The following SPEF2 variants were observed in gnomAD, a reference collection of about 807,000 sequenced individuals.
SPEF2 encodes sperm flagella and cilia-associated protein 2.
Under a neutral mutation model 224.6 loss-of-function variants are expected in SPEF2, and 187 were observed. That is an observed-to-expected ratio of 0.83 (90% CI 0.74 to 0.94). SPEF2 has a LOEUF of 0.94. Among genes scored for constraint, SPEF2 ranks in the 40% least tolerant of loss-of-function variants. The probability of loss-of-function intolerance (pLI) is 0.00; values close to 1 mark genes in which losing one functional copy is unlikely to be tolerated. For missense variants in SPEF2, 2,170 were observed against 2,135.6 expected (o/e 1.02, Z -0.32); for synonymous variants, 715 against 707.3 (o/e 1.01, Z -0.17).
rs1358741324 is a variant in SPEF2, at chr5:35,675,897, G to T, written c.1524+5670G>T. The T allele has an allele frequency of 1.5e-5, 7 of 456,040 alleles. No homozygotes were observed. In the East Asian group the frequency reaches 4.9e-4, roughly 32 times the overall value. 28.2% of individuals were successfully genotyped at this position (456,040 alleles called of 1,614,324 possible). ...CAAGGATTTCAGAGGGCTTGATAGGGGTCTGGGACTTGTGTCTATGGAATA... is the reference window on the plus strand; with the variant it reads ...CAAGGATTTCAGAGGGCTTGATAGGTGTCTGGGACTTGTGTCTATGGAATA... On this transcript the variant is annotated intron_variant, in intron 10 of 36. Coordinates refer to ENST00000356031, the MANE Select transcript of SPEF2 (RefSeq NM_024867.4).
chr5:35,670,309 C>A, intron 10 of SPEF2, 82 bp downstream of exon 10: 1 of 1,485,048 alleles, frequency 6.7e-7, no homozygotes. Context: ...TTCCTTATTT[C>A]ATTTCTACTA....
intron 23 of SPEF2, 45 bp downstream of exon 23, chr5:35,740,312 T>C (rs1286741268): frequency 6.2e-7 from 1 of 1,605,752 alleles, no homozygotes; most frequent in Non-Finnish European, 8.5e-7. Context: ...CTGGCTTTCA[T>C]ATCTTGTCCT....
At position 35,651,337 on chromosome 5, in the gene SPEF2, G is replaced by A. The variant is rs144112547; in HGVS notation, c.791+1912G>A. 2.3e-3 allele frequency among the ~76,000 whole-genome samples: 351 copies of A among 152,222 alleles called. 3 individuals carry two copies. The highest frequency in any genetic ancestry group is 8.1e-3 in the African/African-American group (335 of 41,556). On this transcript the variant is annotated intron_variant, in intron 6 of 36. Transcript: ENST00000356031. ...CCTTCTTCACAGAAGCCTTCACTTG[G>A]TCCTGCCAAAGATTTCCAGCAGAGG... is the stretch of plus-strand genomic sequence containing the variant.
intron 8 of SPEF2, among the ~76,000 whole-genome samples, chr5:35,665,308 T>A (rs1032697107): frequency 2.0e-5 from 3 of 152,090 alleles, no homozygotes; most frequent in African/African-American, 7.2e-5. Context: ...TTCCTCCTTC[T>A]CTTTTTATGG....
chr5:35,644,287 T>C (rs1342851959), intron 3 of SPEF2, 68 bp from the exon 4 acceptor site: 1 of 1,289,320 alleles, frequency 7.8e-7, no homozygotes, highest in Admixed American at 3.2e-5. Flanking sequence ...CAAATTTTAT[T>C]TGTGCTTATA....
At chr5:35,703,164 G>A (rs1326145517) in intron 16 of SPEF2, among the ~76,000 whole-genome samples, 3 of 151,422 alleles carry the variant, frequency 2.0e-5, no homozygotes, top group African/African-American at 7.3e-5. Flanking sequence ...ATATATGAAA[G>A]AGCTCAACTG....
At chr5:35,680,887 C>T (rs1442529207) in intron 10 of SPEF2, among the ~76,000 whole-genome samples, 1 of 152,138 alleles carries the variant, frequency 6.6e-6, no homozygotes, top group Non-Finnish European at 1.5e-5. Context: ...GAGTCACTTC[C>T]AGCATCCAGA....
rs1369978362 is a variant in SPEF2, at chr5:35,651,181, T to A, written c.791+1756T>A. ...TCTGCTTATATCTTATTGGAGAGCA[T>A]TCAGTCACATGGCCACACCTGACAG... On this transcript the variant is annotated intron_variant, in intron 6 of 36. Transcript: ENST00000356031. Among the ~76,000 whole-genome samples, 7 of 152,196 alleles carry A rather than the reference T, an allele frequency of 4.6e-5. No homozygotes were observed. The South Asian group carries it at 1.4e-3, about 32-fold the overall frequency.
At chr5:35,705,968 A>G (rs910231392) in intron 18 of SPEF2, among the ~76,000 whole-genome samples, 160 bp downstream of exon 18, 1 of 123,060 alleles carries the variant, frequency 8.1e-6, no homozygotes, top group Non-Finnish European at 1.7e-5. Flanking sequence ...TTTCTGTTGT[A>G]TATGTTTCCG....
At chr5:35,734,316 C>G (rs1746163684) in intron 21 of SPEF2, among the ~76,000 whole-genome samples, 1 of 152,182 alleles carries the variant, frequency 6.6e-6, no homozygotes. Flanking sequence ...GCCTTTGCAT[C>G]TGCTGTTCCT....
chr5:35,643,203 A>G (rs1746849971), intron 3 of SPEF2, among the ~76,000 whole-genome samples: 1 of 152,222 alleles, frequency 6.6e-6, no homozygotes, highest in Non-Finnish European at 1.5e-5. Context: ...AATGTTGGTC[A>G]TGGGTGAACT....
Position 35,646,535 on chromosome 5 carries a change from C to A in SPEF2, c.586-132C>A, listed in dbSNP as rs980233363. ...TTCTTAATATTACACAGTTGTGACACCTAGTCTCTTGGCTAATTGCTGGGT... is the reference window on the plus strand; with the variant it reads ...TTCTTAATATTACACAGTTGTGACAACTAGTCTCTTGGCTAATTGCTGGGT... On this transcript the variant is annotated intron_variant, in intron 4 of 36. Transcript: ENST00000356031. 1.1e-5 allele frequency: 8 copies of A among 759,572 alleles called. No homozygotes were observed. The African/African-American group carries it at 1.4e-4, about 14-fold the overall frequency. The allele number at this position is 759,572 out of a possible 1,614,324, so 47.1% of individuals were successfully genotyped here.
chr5:35,799,849 A>T, intron 33 of SPEF2, 119 bp from the exon 34 acceptor site: 1 of 1,012,688 alleles, frequency 9.9e-7, no homozygotes, highest in Non-Finnish European at 1.5e-6. Flanking sequence ...TAGCTTTACT[A>T]ATTCAATCCT....
chr5:35,807,697 C>T, intron 36 of SPEF2: 2 of 1,536,014 alleles, frequency 1.3e-6, no homozygotes, highest in Non-Finnish European at 1.7e-6. Context: ...GCACCACTTC[C>T]ATCAGGAAAA....
chr5:35,804,489 AC>A (rs2149866335), intron 34 of SPEF2, among the ~76,000 whole-genome samples: 1 of 152,132 alleles, frequency 6.6e-6, no homozygotes, highest in African/African-American at 2.4e-5. Flanking sequence ...GGAGAGAACC[AC>A]CTCCTCTTGC....
At chr5:35,683,755 G>A (rs1753170363) in intron 10 of SPEF2, among the ~76,000 whole-genome samples, 1 of 152,226 alleles carries the variant, frequency 6.6e-6, no homozygotes, top group African/African-American at 2.4e-5. Context: ...CACAGGGAGA[G>A]TCAGACCTCC....
At chr5:35,692,837 A>T in intron 12 of SPEF2, 113 bp downstream of exon 12, 1 of 929,974 alleles carries the variant, frequency 1.1e-6, no homozygotes, top group Non-Finnish European at 1.5e-6. Flanking sequence ...AGACCCAGAG[A>T]GTAAAAGTTT....
intron 1 of SPEF2, among the ~76,000 whole-genome samples, chr5:35,625,346 T>G (rs1744092045): frequency 6.6e-6 from 1 of 152,230 alleles, no homozygotes; most frequent in African/African-American, 2.4e-5. Flanking sequence ...TGATTTTATT[T>G]TTCTGGTGAC....
At chr5:35,658,901 TG>T in intron 7 of SPEF2, 117 bp from the exon 8 acceptor site, 1 of 738,972 alleles carries the variant, frequency 1.4e-6, no homozygotes, top group Non-Finnish European at 1.9e-6. Context: ...TTAAGTCAAA[TG>T]ACAGAAACTG....
Sources: allele counts gnomAD v4.1 joint callset (sites outside exome capture counted in the v4.1 genomes callset), GRCh38; gene constraint gnomAD v4.1.1; transcripts MANE v1.5; gene names NCBI Gene and HGNC (gene_info 2026-07-23, HGNC 2026-07-21).